The following NPY1R variants were observed in gnomAD, a reference collection of about 807,000 sequenced individuals.
NPY1R encodes the protein neuropeptide Y receptor Y1.
A neutral mutation model predicts 24.1 loss-of-function variants in NPY1R; 10 were observed. The ratio of observed to expected loss-of-function variants is 0.42; its 90% CI spans 0.26 to 0.71. The LOEUF is 0.71. NPY1R is among the 30% of genes least tolerant of loss of function. The pLI, the probability that NPY1R is intolerant of heterozygous loss-of-function variation, is 0.28. For missense variants in NPY1R, 350 were observed against 458.0 expected, an observed-to-expected ratio of 0.76 and a Z score of 2.15; for synonymous variants, 168 against 165.9, an observed-to-expected ratio of 1.01 and a Z score of -0.10.
intron 1 of NPY1R, chr4:163,344,105 T>A (rs1735101260): frequency 1.3e-5 from 2 of 152,006 alleles, no homozygotes; most frequent in African/African-American, 4.8e-5. Flanking sequence ...CGCAGGTCCC[T>A]GGGAGCCCGC....
At chr4:163,343,035 G>A (rs1735044939) in intron 1 of NPY1R, among the ~76,000 whole-genome samples, 1 of 144,400 alleles carries the variant, frequency 6.9e-6, no homozygotes, top group African/African-American at 2.6e-5. Context: ...CGCGCCTAAA[G>A]TACCTGCCAC....
At chr4:163,327,592 G>A (rs1734636588) in intron 1 of NPY1R, among the ~76,000 whole-genome samples, 1 of 152,142 alleles carries the variant, frequency 6.6e-6, no homozygotes, top group South Asian at 2.1e-4. Context: ...CTAACTTTAA[G>A]AGTCTGTTAT....
intron 1 of NPY1R, among the ~76,000 whole-genome samples, chr4:163,327,243 T>C (rs1297587127): frequency 6.6e-6 from 1 of 152,156 alleles, no homozygotes; most frequent in Non-Finnish European, 1.5e-5. Flanking sequence ...ATCACTACAG[T>C]GAAACATCAA....
rs757524698 is a variant in NPY1R at position 163,332,539 on chromosome 4, G to C, written c.-209C>G. ...TATTAAAGAAGGAAGGGTGGGAATG[G>C]AAGGGAGCAGAGTGGGGAAGATCCG... On this transcript the variant is annotated 5_prime_UTR_variant, in exon 1 of 3. Coordinates refer to ENST00000296533, the MANE Select transcript of NPY1R (RefSeq NM_000909.6). 6.6e-6 allele frequency: 1 copy of C among 152,320 alleles called. No homozygotes were observed. Among genetic ancestry groups the C allele is most frequent in the African/African-American group, 2.4e-5 (1 of 41,450 alleles). The allele number at this position is 152,320 out of a possible 1,614,324, so 9.4% of individuals were successfully genotyped here.
chr4:163,340,160 G>C (rs1169140152), intron 1 of NPY1R, among the ~76,000 whole-genome samples: 1 of 151,874 alleles, frequency 6.6e-6, no homozygotes, highest in Non-Finnish European at 1.5e-5. Context: ...AAATAGATAG[G>C]AAATGGAAAC....
chr4:163,338,882 G>A (rs569695976), intron 1 of NPY1R, among the ~76,000 whole-genome samples: 1 of 152,080 alleles, frequency 6.6e-6, no homozygotes, highest in Non-Finnish European at 1.5e-5. Flanking sequence ...CAGAACCTAA[G>A]AATTGTCCCA....
intron 1 of NPY1R, chr4:163,331,080 G>C (rs1734714986): frequency 6.6e-6 from 1 of 152,238 alleles, no homozygotes; most frequent in Admixed American, 6.5e-5. Context: ...TCCTGGGTGG[G>C]GAACCTGGTC....
chr4:163,329,229 G>T (rs1734673996), intron 1 of NPY1R, among the ~76,000 whole-genome samples: 1 of 152,100 alleles, frequency 6.6e-6, no homozygotes, highest in Admixed American at 6.5e-5. Flanking sequence ...AGTCTTGTGG[G>T]CAGAGAAAGA....
At chr4:163,328,058 C>T (rs1441222123) in intron 1 of NPY1R, among the ~76,000 whole-genome samples, 1 of 149,114 alleles carries the variant, frequency 6.7e-6, no homozygotes, top group African/African-American at 2.5e-5. Context: ...TAAACCTTTC[C>T]TTTAATTTTT....
In NPY1R at chr4:163,326,086, C is replaced by T; in HGVS notation, c.469G>A (p.Val157Ile). The change falls in exon 2 of 3, where the codon GTA (valine) becomes ATA (isoleucine). Residue 157 changes from valine to isoleucine, a missense_variant. Coordinates refer to ENST00000296533, the MANE Select transcript of NPY1R (RefSeq NM_000909.6). Reference protein sequence around the residue: ...GWRPNNRHAYVGIAVIWVLAV... With the variant: ...GWRPNNRHAYIGIAVIWVLAV... ...AGGACCCAAATCACAGCAATACCTA[C>T]ATAAGCATGTCTATTATTTGGTCTC... is the stretch of plus-strand genomic sequence containing the variant. 6.2e-7 allele frequency: 1 copy of T among 1,614,100 alleles called. No individual in the cohort carries two copies. The highest frequency in any genetic ancestry group is 8.5e-7 in the Non-Finnish European group (1 of 1,179,982).
intron 1 of NPY1R, among the ~76,000 whole-genome samples, chr4:163,339,481 TCTTA>T (rs1734924708): frequency 6.6e-6 from 1 of 151,236 alleles, no homozygotes; most frequent in African/African-American, 2.4e-5. Flanking sequence ...TACTCTGATT[TCTTA>T]CTGACAGTGA....
intron 1 of NPY1R, among the ~76,000 whole-genome samples, chr4:163,340,887 AAGTC>A (rs1271697109): frequency 6.6e-6 from 1 of 152,096 alleles, no homozygotes; most frequent in African/African-American, 2.4e-5. Flanking sequence ...TTCTCTCTGA[AAGTC>A]AGTCACTGTT....
rs772502819 is a variant in NPY1R, at chr4:163,325,452, TGAA to T, written c.1003_1005del (p.Phe335del). The T allele has an allele frequency of 2.5e-6, 4 of 1,614,126 alleles. No homozygotes were observed. Among genetic ancestry groups the T allele is most frequent in the South Asian group, 1.1e-5 (1 of 91,074 alleles). ...TCCCGAGACCGGAAATCACAAAAGT[TGAA>T]GAAGAACTGCAAGTCTCTCTGGAAG... is the stretch of plus-strand genomic sequence containing the variant. On this transcript the variant is annotated inframe_deletion, in exon 3 of 3. Coordinates refer to ENST00000296533, the MANE Select transcript of NPY1R (RefSeq NM_000909.6).
chr4:163,334,016 A>C (rs77596392), upstream of NPY1R, among the ~76,000 whole-genome samples: 1 of 40,798 alleles, frequency 2.5e-5, no homozygotes, highest in Non-Finnish European at 7.1e-5. Context: ...ACACACACAT[A>C]CTTTTTTTTT....
intron 1 of NPY1R, among the ~76,000 whole-genome samples, chr4:163,338,324 C>T (rs1233983499): frequency 6.6e-6 from 1 of 152,138 alleles, no homozygotes; most frequent in Non-Finnish European, 1.5e-5. Context: ...TAATTTTAGC[C>T]CATTTAGAGC....
chr4:163,340,989 T>C (rs1434331396), intron 1 of NPY1R, among the ~76,000 whole-genome samples: 16 of 152,090 alleles, frequency 1.1e-4, no homozygotes, highest in Admixed American at 9.2e-4. Context: ...ACAATGTTAA[T>C]GATGCCCCCG....
intron 1 of NPY1R, among the ~76,000 whole-genome samples, chr4:163,330,482 C>T (rs984604173): frequency 5.9e-5 from 9 of 152,070 alleles, no homozygotes; most frequent in African/African-American, 2.2e-4. Context: ...TTTCAGTTTA[C>T]CTTAGTGTAA....
intron 1 of NPY1R, among the ~76,000 whole-genome samples, chr4:163,328,918 T>C (rs2110792083): frequency 6.6e-6 from 1 of 152,298 alleles, no homozygotes; most frequent in South Asian, 2.1e-4. Flanking sequence ...TTGCAAGTAT[T>C]AGACTTAGAA....
At position 163,325,926 on chromosome 4, in the gene NPY1R, G is replaced by C. The variant is rs762084285; in HGVS notation, c.629C>G (p.Ser210Cys). The stretch of plus-strand genomic sequence containing the variant: ...CAGCACCAAGAGGAGAGTGGTATAA[G>C]ACAACCTATGAGAGTCCGATGGAAA... ...DQFPSDSHRL[S>C]YTTLLLVLQY... Residue 210 changes from serine to cysteine, a missense_variant, in exon 2 of 3, where the codon TCT (serine) becomes TGT (cysteine). Transcript: ENST00000296533. The C allele has an allele frequency of 6.2e-7, 1 of 1,614,020 alleles. No individual in the cohort carries two copies. Among genetic ancestry groups the C allele is most frequent in the South Asian group, 1.1e-5 (1 of 91,070 alleles).
Sources: gnomAD v4.1 joint callset for allele counts (sites outside exome capture counted in the v4.1 genomes callset) on GRCh38, gnomAD v4.1.1 for gene constraint, MANE v1.5 for transcripts, NCBI Gene and HGNC (gene_info 2026-07-23, HGNC 2026-07-21) for gene names.